ARHGAP44: variants seen among roughly 807,000 people sequenced by gnomAD.
The protein encoded by ARHGAP44 is Rho GTPase activating protein 44, also known as rho GTPase-activating protein 44.
Under a neutral mutation model 106.8 loss-of-function variants are expected in ARHGAP44, and 43 were observed. The observed-to-expected ratio is 0.40, with a 90% CI of 0.32 to 0.52. ARHGAP44 has a LOEUF of 0.52. Among genes scored for constraint, ARHGAP44 ranks in the 20% least tolerant of loss-of-function variants. The probability of loss-of-function intolerance (pLI) is 0.48; values close to 1 mark genes in which losing one functional copy is unlikely to be tolerated. For missense variants in ARHGAP44, 866 were observed against 1,050.5 expected, an observed-to-expected ratio of 0.82 and a Z score of 2.43; for synonymous variants, 439 against 410.3, an observed-to-expected ratio of 1.07 and a Z score of -0.85.
chr17:12,952,999 AT>A (rs1268020548), intron 13 of ARHGAP44, among the ~76,000 whole-genome samples: 10 of 152,128 alleles, frequency 6.6e-5, no homozygotes, highest in Admixed American at 3.3e-4. Flanking sequence ...GAAGCGAACC[AT>A]TGGCTAATTC....
At chr17:12,891,259 T>C (rs977949358) in intron 1 of ARHGAP44, among the ~76,000 whole-genome samples, 13 of 152,338 alleles carry the variant, frequency 8.5e-5, no homozygotes, top group Admixed American at 7.2e-4. Flanking sequence ...GTATTTGTTA[T>C]AGCAGTACCT....
rs533921625 is a variant in ARHGAP44, at chr17:12,896,585, C to T, written c.198+74C>T. ...CAAGGTTCCTACTCCTGTGACACTC[C>T]TGGATGTAGCTGTTTATGTAGCTGC... On this transcript the variant is annotated intron_variant, in intron 3 of 20. Coordinates refer to ENST00000379672, the MANE Select transcript of ARHGAP44 (RefSeq NM_014859.6). 10 of 1,255,410 alleles carry T rather than the reference C, an allele frequency of 8.0e-6. No homozygotes were observed. In the South Asian group the frequency reaches 1.2e-4, roughly 15 times the overall value. 77.8% of individuals were successfully genotyped at this position (1,255,410 alleles called of 1,614,324 possible).
intron 1 of ARHGAP44, among the ~76,000 whole-genome samples, chr17:12,871,153 T>C (rs559350964): frequency 1.2e-4 from 18 of 152,222 alleles, no homozygotes; most frequent in Non-Finnish European, 2.1e-4. Flanking sequence ...GCTCCTTAAA[T>C]GTAGTTCCTT....
At position 12,789,647 on chromosome 17, in the gene ARHGAP44, C is replaced by T. The variant is rs2033667047; in HGVS notation, c.-192C>T. 2 of 361,772 alleles carry T rather than the reference C, an allele frequency of 5.5e-6. No homozygotes were observed. Among genetic ancestry groups the T allele is most frequent in the Non-Finnish European group, 4.8e-6 (1 of 206,674 alleles). 22.4% of individuals were successfully genotyped at this position (361,772 alleles called of 1,614,324 possible). On this transcript the variant is annotated 5_prime_UTR_variant, in exon 1 of 21. Coordinates refer to ENST00000379672, the MANE Select transcript of ARHGAP44 (RefSeq NM_014859.6). ...CGCGTGAGGGGGATGCGGCAGGAGG[C>T]GGCGCGGCGGGAGGAGTAGGCGGCG... is the stretch of plus-strand genomic sequence containing the variant.
At chr17:12,790,348 G>A in intron 1 of ARHGAP44, 1 of 162,636 alleles carries the variant, frequency 6.1e-6, no homozygotes, top group Non-Finnish European at 1.3e-5. Context: ...AAAGTGCTGG[G>A]CCTGGTCGGC....
At chr17:12,881,155 A>G (rs1030006576) in intron 1 of ARHGAP44, among the ~76,000 whole-genome samples, 5 of 151,814 alleles carry the variant, frequency 3.3e-5, no homozygotes, top group Non-Finnish European at 5.9e-5. Context: ...TTTTTCAACC[A>G]TCATGACAAT....
At position 12,970,361 on chromosome 17, in the gene ARHGAP44, G is replaced by A. The variant is rs1447757263; in HGVS notation, c.1524-2941G>A. On this transcript the variant is annotated intron_variant, in intron 16 of 20. Transcript: ENST00000379672. ...AGCCTGGGCGACAGAGCAAGACCCT[G>A]TCTCAAAAAAAAAAAAAAAAAAAAA... is the stretch of plus-strand genomic sequence containing the variant. 6.6e-5 allele frequency among the ~76,000 whole-genome samples: 5 copies of A among 75,868 alleles called. 1 individual carries two copies. The highest frequency in any genetic ancestry group is 5.0e-4 in the South Asian group (1 of 2,000). 49.8% of individuals were successfully genotyped at this position (75,868 alleles called of 152,430 possible). A position where few individuals can be genotyped will look rare whatever the true frequency, so the allele number is the denominator to read the frequency against.
chr17:12,841,592 TCTCA>T (rs1213125511), intron 1 of ARHGAP44, among the ~76,000 whole-genome samples: 22 of 118,922 alleles, frequency 1.8e-4, no homozygotes, highest in South Asian at 1.5e-3. Flanking sequence ...TCTGTCTCTC[TCTCA>T]CACACACACA....
intron 20 of ARHGAP44, among the ~76,000 whole-genome samples, chr17:12,989,090 T>TCCAC (rs200414605): frequency 1.7e-4 from 8 of 47,560 alleles, no homozygotes; most frequent in Middle Eastern, 0.016. Context: ...AGAGCGAAAC[T>TCCAC]CCACCCCCCC....
intron 16 of ARHGAP44, among the ~76,000 whole-genome samples, chr17:12,960,565 C>CAAAAAAAAA (rs373750247): frequency 1.5e-4 from 22 of 149,594 alleles, no homozygotes; most frequent in Admixed American, 4.6e-4. Flanking sequence ...GACTCCATCT[C>CAAAAAAAAA]AAAGAAAAAA....
intron 1 of ARHGAP44, among the ~76,000 whole-genome samples, chr17:12,880,401 C>G (rs1260696041): frequency 6.6e-6 from 1 of 152,042 alleles, no homozygotes; most frequent in Non-Finnish European, 1.5e-5. Flanking sequence ...CTCTTGCTTT[C>G]TTTTCATTTT....
intron 5 of ARHGAP44, among the ~76,000 whole-genome samples, chr17:12,916,277 C>G (rs2037911062): frequency 6.6e-6 from 1 of 152,184 alleles, no homozygotes; most frequent in African/African-American, 2.4e-5. Flanking sequence ...GCTTCCCCAC[C>G]CACAGCCTCG....
At chr17:12,873,435 G>A (rs1430081118) in intron 1 of ARHGAP44, among the ~76,000 whole-genome samples, 1 of 152,218 alleles carries the variant, frequency 6.6e-6, no homozygotes, top group Non-Finnish European at 1.5e-5. Flanking sequence ...GAGCTTTAGG[G>A]AGAAGTCAAT....
chr17:12,926,498 T>TA (rs2038248646), intron 6 of ARHGAP44, among the ~76,000 whole-genome samples: 1 of 143,942 alleles, frequency 6.9e-6, no homozygotes, highest in African/African-American at 2.5e-5. Flanking sequence ...GTATAATATA[T>TA]GTATATATAT....
intron 18 of ARHGAP44, among the ~76,000 whole-genome samples, chr17:12,977,788 CCAG>C (rs1379617978): frequency 6.6e-6 from 1 of 151,980 alleles, no homozygotes; most frequent in African/African-American, 2.4e-5. Flanking sequence ...GCCTGCAATC[CCAG>C]CACTTTGGGT....
At chr17:12,876,779 C>T (rs1309544446) in intron 1 of ARHGAP44, among the ~76,000 whole-genome samples, 1 of 151,600 alleles carries the variant, frequency 6.6e-6, no homozygotes, top group Non-Finnish European at 1.5e-5. Context: ...GGCATGGTGG[C>T]GTGCACTTGT....
At chr17:12,845,592 C>A (rs1160170572) in intron 1 of ARHGAP44, among the ~76,000 whole-genome samples, 4 of 151,752 alleles carry the variant, frequency 2.6e-5, no homozygotes, top group Non-Finnish European at 4.4e-5. Context: ...TGTCTTGCTT[C>A]TCATTTTATT....
chr17:12,909,011 A>T, intron 4 of ARHGAP44, 38 bp downstream of exon 4: 1 of 1,534,974 alleles, frequency 6.5e-7, no homozygotes, highest in African/African-American at 1.4e-5. Flanking sequence ...TGCCAAATCT[A>T]AGTAAGTCCC....
At chr17:12,795,414 T>C in intron 1 of ARHGAP44, among the ~76,000 whole-genome samples, 1 of 152,324 alleles carries the variant, frequency 6.6e-6, no homozygotes, top group East Asian at 1.9e-4. Context: ...CTAGATTTCC[T>C]GCAGAATTCT....
Sources: allele counts gnomAD v4.1 joint callset (sites outside exome capture counted in the v4.1 genomes callset), GRCh38; gene constraint gnomAD v4.1.1; transcripts MANE v1.5; gene names NCBI Gene and HGNC (gene_info 2026-07-23, HGNC 2026-07-21).